PDE7A: variants seen among roughly 807,000 people sequenced by gnomAD.
PDE7A encodes the protein high affinity 3',5'-cyclic-AMP phosphodiesterase 7A.
In PDE7A, 39 loss-of-function variants were observed where a neutral mutation model predicts 64.3. The observed-to-expected ratio is 0.61, with a 90% CI of 0.47 to 0.79. The LOEUF (loss-of-function observed/expected upper bound fraction) is 0.79. PDE7A is among the 30% of genes least tolerant of loss of function. The pLI, the probability that PDE7A is intolerant of heterozygous loss-of-function variation, is 0.00. For missense variants in PDE7A, 470 were observed against 582.8 expected (o/e 0.81, Z 1.99); for synonymous variants, 203 against 206.8 (o/e 0.98, Z 0.16).
At chr8:65,837,381 G>A (rs1810972080) in intron 1 of PDE7A, among the ~76,000 whole-genome samples, 1 of 152,150 alleles carries the variant, frequency 6.6e-6, no homozygotes, top group South Asian at 2.1e-4. Context: ...AAAATGCTTG[G>A]GATCAGGAGT....
At position 65,744,695 on chromosome 8, in the gene PDE7A, C is replaced by T. The variant is rs553363812; in HGVS notation, c.499+712G>A. Among the ~76,000 whole-genome samples, 11 of 152,110 alleles carry T rather than the reference C, an allele frequency of 7.2e-5. 1 individual carries two copies. Among genetic ancestry groups the T allele is most frequent in the African/African-American group, 2.7e-4 (11 of 41,484 alleles). On this transcript the variant is annotated intron_variant, in intron 5 of 12. Coordinates refer to ENST00000401827, the MANE Select transcript of PDE7A (RefSeq NM_001242318.3). ...CATCAGATGTGATTATAAATGGCCA[C>T]AATCTAAAAGAAACCAAAAAATAAA...
At position 65,719,490 on chromosome 8, in the gene PDE7A, T is replaced by C; in HGVS notation, c.1249A>G (p.Met417Val). The C allele has an allele frequency of 6.2e-7, 1 of 1,608,860 alleles. No individual in the cohort carries two copies. Among genetic ancestry groups the C allele is most frequent in the African/African-American group, 1.3e-5 (1 of 74,922 alleles). ...ESIANIQIGF[M>V]TYLVEPLFTE... ...AATAAAGGCTCCACTAGGTAAGTCATAAAACCTTGAGAAAATAGGAGAAAA... is the reference window on the plus strand; with the variant it reads ...AATAAAGGCTCCACTAGGTAAGTCACAAAACCTTGAGAAAATAGGAGAAAA... The change falls in exon 13 of 13, where the codon ATG becomes GTG. Residue 417 changes from methionine (M) to valine (V), a missense_variant. Met to Val is a conservative substitution (Grantham distance 21). Coordinates refer to ENST00000401827, the MANE Select transcript of PDE7A (RefSeq NM_001242318.3).
At chr8:65,777,763 T>C (rs1809301651) in intron 3 of PDE7A, among the ~76,000 whole-genome samples, 1 of 152,238 alleles carries the variant, frequency 6.6e-6, no homozygotes, top group Admixed American at 6.5e-5. Context: ...CATCTGTTTC[T>C]GGCAATCTCA....
At chr8:65,816,215 G>A (rs1309668923) in intron 1 of PDE7A, among the ~76,000 whole-genome samples, 1 of 151,974 alleles carries the variant, frequency 6.6e-6, no homozygotes, top group African/African-American at 2.4e-5. Flanking sequence ...AATAAAAGTG[G>A]AAAAGAATCC....
Position 65,719,301 on chromosome 8 carries a change from G to A in PDE7A, c.1438C>T (p.Arg480Trp), listed in dbSNP as rs765174760. 6.8e-6 allele frequency: 11 copies of A among 1,612,818 alleles called. No homozygotes were observed. In the East Asian group the frequency reaches 1.3e-4, roughly 20 times the overall value. The change falls in exon 13 of 13, where the codon CGG (arginine) becomes TGG (tryptophan). Residue 480 changes from arginine to tryptophan, a missense_variant. Transcript: ENST00000401827. ...LNSQLLPQEN[R>W]LS ...ACTGGTTCTGGGGGTTATGATAACC[G>A]ATTTTCCTGAGGTAATAACTGTGAG...
chr8:65,726,781 C>T, intron 9 of PDE7A, 94 bp downstream of exon 9: 1 of 678,990 alleles, frequency 1.5e-6, no homozygotes, highest in Non-Finnish European at 2.6e-6. Context: ...TGTGGAACAC[C>T]TGAACATAAC....
intron 6 of PDE7A, among the ~76,000 whole-genome samples, chr8:65,738,708 C>G (rs1807262044): frequency 6.6e-6 from 1 of 152,210 alleles, no homozygotes; most frequent in African/African-American, 2.4e-5. Context: ...GCTGGGATTA[C>G]AGGTGTGAGC....
At chr8:65,831,176 G>A (rs1810810235) in intron 1 of PDE7A, among the ~76,000 whole-genome samples, 2 of 152,042 alleles carry the variant, frequency 1.3e-5, no homozygotes, top group Admixed American at 6.6e-5. Context: ...CAAAATGTTT[G>A]AAAACCCTTA....
chr8:65,755,194 T>C (rs1453415729), intron 3 of PDE7A, among the ~76,000 whole-genome samples: 1 of 151,774 alleles, frequency 6.6e-6, no homozygotes, highest in African/African-American at 2.4e-5. Flanking sequence ...CTAATTTTTA[T>C]ATCTTTAGTA....
chr8:65,830,564 A>T (rs1294414275), intron 1 of PDE7A, among the ~76,000 whole-genome samples: 4 of 152,128 alleles, frequency 2.6e-5, no homozygotes, highest in Admixed American at 6.5e-5. Flanking sequence ...TAATTGAAAT[A>T]AATCAGCCCC....
chr8:65,768,680 G>A lies in PDE7A; in HGVS notation c.283+11040C>T, dbSNP rs1808922899. Among the ~76,000 whole-genome samples the A allele has an allele frequency of 2.6e-5, 4 of 152,170 alleles. No individual in the cohort carries two copies. The South Asian group carries it at 8.3e-4, about 32-fold the overall frequency. On this transcript the variant is annotated intron_variant, in intron 3 of 12. Coordinates refer to ENST00000401827, the MANE Select transcript of PDE7A (RefSeq NM_001242318.3). Reference sequence around the variant, plus strand: ...ATCACAAAATAGAACATTTCCCAGAGAAGAAAATACTATTTCAAGAAAATA... The same window carrying A: ...ATCACAAAATAGAACATTTCCCAGAAAAGAAAATACTATTTCAAGAAAATA...
chr8:65,719,683 T>G, intron 12 of PDE7A, 188 bp from the exon 13 acceptor site: 1 of 569,208 alleles, frequency 1.8e-6, no homozygotes, highest in Non-Finnish European at 3.1e-6. Flanking sequence ...AGAACTGATT[T>G]CTTAAGTAAC....
At chr8:65,791,582 T>C (rs1413221600) in intron 1 of PDE7A, among the ~76,000 whole-genome samples, 2 of 152,184 alleles carry the variant, frequency 1.3e-5, no homozygotes, top group African/African-American at 4.8e-5. Flanking sequence ...CTCTTGGCTT[T>C]CATTTCTCAC....
chr8:65,833,876 G>C (rs80098439), intron 1 of PDE7A, among the ~76,000 whole-genome samples: 1 of 152,034 alleles, frequency 6.6e-6, no homozygotes, highest in South Asian at 2.1e-4. Flanking sequence ...ATTTAAGGCC[G>C]GGATGCAGAG....
At chr8:65,790,247 C>G (rs1057059048) in intron 1 of PDE7A, among the ~76,000 whole-genome samples, 3 of 152,192 alleles carry the variant, frequency 2.0e-5, no homozygotes, top group Admixed American at 6.5e-5. Context: ...CCAGGCCCTA[C>G]GAGGGCCATG....
chr8:65,755,350 T>C (rs1808177594), intron 3 of PDE7A, among the ~76,000 whole-genome samples: 1 of 152,134 alleles, frequency 6.6e-6, no homozygotes, highest in African/African-American at 2.4e-5. Flanking sequence ...TTTAGGTTTT[T>C]GTTTTGTTTT....
At chr8:65,752,001 C>T (rs911426464) in intron 3 of PDE7A, among the ~76,000 whole-genome samples, 2 of 152,100 alleles carry the variant, frequency 1.3e-5, no homozygotes, top group African/African-American at 4.8e-5. Flanking sequence ...TCTATTTAGC[C>T]AGTCCTCTAC....
intron 3 of PDE7A, chr8:65,771,091 A>AT: frequency 3.0e-6 from 1 of 338,784 alleles, no homozygotes. Flanking sequence ...ATATTGTGGC[A>AT]TCTACATAAT....
chr8:65,746,934 T>G (rs1585863187), intron 4 of PDE7A, among the ~76,000 whole-genome samples: 1 of 152,210 alleles, frequency 6.6e-6, no homozygotes, highest in Admixed American at 6.5e-5. Context: ...CTGTAAATAT[T>G]AAGTCAAATA....
Sources: allele counts gnomAD v4.1 joint callset (sites outside exome capture counted in the v4.1 genomes callset), GRCh38; gene constraint gnomAD v4.1.1; transcripts MANE v1.5; gene names NCBI Gene and HGNC (gene_info 2026-07-23, HGNC 2026-07-21).